NRP1: variants seen among roughly 807,000 people sequenced by gnomAD.
NRP1 encodes the protein neuropilin 1.
A neutral mutation model predicts 106.7 loss-of-function variants in NRP1; 35 were observed. The observed-to-expected ratio is 0.33, with a 90% CI of 0.25 to 0.43. The LOEUF (loss-of-function observed/expected upper bound fraction) is 0.43. Ranked by LOEUF, NRP1 falls within the 20% of genes least tolerant of loss-of-function variation. The pLI is 1.00. For synonymous variants in NRP1, 437 were observed against 417.9 expected, an observed-to-expected ratio of 1.05 and a Z score of -0.56; for missense variants, 1,024 against 1,170.4, an observed-to-expected ratio of 0.87 and a Z score of 1.83.
intron 15 of NRP1, 102 bp from the exon 16 acceptor site, chr10:33,182,850 C>CACACACACACAT: frequency 1.2e-6 from 1 of 805,302 alleles, no homozygotes. Context: ...CACACACACA[C>CACACACACACAT]ACACACACAC....
intron 2 of NRP1, among the ~76,000 whole-genome samples, chr10:33,301,887 T>C (rs1372155730): frequency 6.6e-6 from 1 of 152,212 alleles, no homozygotes; most frequent in Non-Finnish European, 1.5e-5. Context: ...CTTTACCCTT[T>C]ATAAACATTG....
rs1847000623 is a variant in NRP1, at chr10:33,315,943, G to T, written c.248+14765C>A. On this transcript the variant is annotated intron_variant, in intron 2 of 16. Coordinates refer to ENST00000374867, the MANE Select transcript of NRP1 (RefSeq NM_003873.7). ...AAGAACTAGAAAGTGACCATTTTTG[G>T]CTAGAATAGATAAGGGAGCCACAGG... 3.9e-5 allele frequency among the ~76,000 whole-genome samples: 6 copies of T among 152,312 alleles called. No homozygotes were observed. The South Asian group carries it at 1.2e-3, about 32-fold the overall frequency.
intron 11 of NRP1, 26 bp from the exon 12 acceptor site, chr10:33,197,735 A>G: frequency 6.9e-7 from 1 of 1,452,224 alleles, no homozygotes; most frequent in Non-Finnish European, 9.6e-7. Flanking sequence ...AGGAACATGC[A>G]AAAATAAGAA....
chr10:33,270,085 A>G (rs974786082), intron 3 of NRP1, among the ~76,000 whole-genome samples: 6 of 152,162 alleles, frequency 3.9e-5, no homozygotes, highest in Non-Finnish European at 8.8e-5. Context: ...GATGCCAAAA[A>G]GGTTGGAGAC....
In NRP1 at chr10:33,241,911, A is replaced by G. The variant is rs534801317; in HGVS notation, c.981+12117T>C. ...TTAATCTGTTTGAATTATTTTTGAT[A>G]CAAAGATTTTAATTCAGATGAATTT... On this transcript the variant is annotated intron_variant, in intron 6 of 16. Coordinates refer to ENST00000374867, the MANE Select transcript of NRP1 (RefSeq NM_003873.7). Among the ~76,000 whole-genome samples, 3 of 152,340 alleles carry G rather than the reference A, an allele frequency of 2.0e-5. No individual in the cohort carries two copies. The South Asian group carries it at 6.2e-4, about 32-fold the overall frequency.
intron 2 of NRP1, among the ~76,000 whole-genome samples, chr10:33,305,535 G>A (rs979499319): frequency 2.6e-5 from 4 of 151,930 alleles, no homozygotes; most frequent in East Asian, 1.9e-4. Flanking sequence ...TCGTTGTCTC[G>A]GGAATCCTGG....
intron 6 of NRP1, among the ~76,000 whole-genome samples, chr10:33,236,553 C>G (rs915045393): frequency 6.6e-6 from 1 of 152,150 alleles, no homozygotes; most frequent in Non-Finnish European, 1.5e-5. Flanking sequence ...GCAAGAGAAA[C>G]GTTTGGGTTC....
intron 11 of NRP1, among the ~76,000 whole-genome samples, chr10:33,199,380 T>TAA (rs1837067726): frequency 2.9e-5 from 2 of 69,332 alleles, no homozygotes; most frequent in Non-Finnish European, 5.7e-5. Flanking sequence ...TATATATATA[T>TAA]ATATATATAT....
intron 2 of NRP1, among the ~76,000 whole-genome samples, chr10:33,300,841 T>G (rs892587225): frequency 6.6e-6 from 1 of 152,230 alleles, no homozygotes; most frequent in African/African-American, 2.4e-5. Flanking sequence ...AATGTTCATC[T>G]TACATATGTT....
chr10:33,182,009 G>A (rs564883377), intron 16 of NRP1, among the ~76,000 whole-genome samples: 17 of 152,218 alleles, frequency 1.1e-4, no homozygotes, highest in African/African-American at 3.6e-4. Flanking sequence ...CAGGAAAATC[G>A]CTTGAACCTG....
At position 33,334,450 on chromosome 10, in the gene NRP1, G is replaced by C. The variant is rs918561739; in HGVS notation, c.-68C>G. On this transcript the variant is annotated 5_prime_UTR_variant, in exon 1 of 17. Transcript: ENST00000374867. ...ACGTGGGGGGAAATGCAGCAAAGAG[G>C]AGAATCTAAGCGATCCGAAGAGCCC... The C allele has an allele frequency of 7.2e-7, 1 of 1,390,248 alleles. No individual in the cohort carries two copies. The highest frequency in any genetic ancestry group is 1.4e-5 in the African/African-American group (1 of 70,182). The allele number at this position is 1,390,248 out of a possible 1,614,324, so 86.1% of individuals were successfully genotyped here. A position where few individuals can be genotyped will look rare whatever the true frequency, so the allele number is the denominator to read the frequency against.
intron 2 of NRP1, among the ~76,000 whole-genome samples, chr10:33,272,835 T>C (rs1262658062): frequency 6.6e-6 from 1 of 152,060 alleles, no homozygotes; most frequent in Non-Finnish European, 1.5e-5. Context: ...ATGGTCTGAA[T>C]ACTAAGTGGC....
chr10:33,319,212 TAGTC>T (rs2132861376), intron 2 of NRP1, among the ~76,000 whole-genome samples: 1 of 151,954 alleles, frequency 6.6e-6, no homozygotes, highest in South Asian at 2.1e-4. Flanking sequence ...TTCACTGTGT[TAGTC>T]AGGATGGTCT....
rs747937442 is a variant in NRP1, at chr10:33,186,426, C to A, written c.2125G>T (p.Val709Leu). 5 of 1,613,964 alleles carry A rather than the reference C, an allele frequency of 3.1e-6. No homozygotes were observed. The highest frequency in any genetic ancestry group is 3.4e-6 in the Non-Finnish European group (4 of 1,179,998). The change falls in exon 14 of 17, where the codon GTG (valine) becomes TTG (leucine). Residue 709 changes from valine to leucine, a missense_variant. By Grantham distance (32) the Val-to-Leu change is conservative (BLOSUM62 1). Coordinates refer to ENST00000374867, the MANE Select transcript of NRP1 (RefSeq NM_003873.7). Reference sequence around the variant, plus strand: ...TTCTGGGAATAAACCACAGGGCTCACCAGGCGAGCCACTTTGCCCTTCTGA... The same window carrying A: ...TTCTGGGAATAAACCACAGGGCTCAACAGGCGAGCCACTTTGCCCTTCTGA... The part of the protein sequence containing the change: ...ENQKGKVARL[V>L]SPVVYSQNSA...
At position 33,261,611 on chromosome 10, in the gene NRP1, T is replaced by C. The variant is rs75590100; in HGVS notation, c.658+2035A>G. ...ATGTTAACTCACCCATTTATTCCAATGGCAATATAAGGCTTCTCTAAACCT... is the reference window on the plus strand; with the variant it reads ...ATGTTAACTCACCCATTTATTCCAACGGCAATATAAGGCTTCTCTAAACCT... On this transcript the variant is annotated intron_variant, in intron 4 of 16. Transcript: ENST00000374867. Among the ~76,000 whole-genome samples, 826 of 152,318 alleles carry C rather than the reference T, an allele frequency of 5.4e-3. 5 individuals carry two copies. Among genetic ancestry groups the C allele is most frequent in the African/African-American group, 0.017 (690 of 41,578 alleles).
chr10:33,333,415 TA>T (rs1269931490), intron 1 of NRP1, among the ~76,000 whole-genome samples: 1 of 152,214 alleles, frequency 6.6e-6, no homozygotes, highest in Non-Finnish European at 1.5e-5. Flanking sequence ...GGTCTCTTAT[TA>T]AAACAATATA....
intron 3 of NRP1, among the ~76,000 whole-genome samples, chr10:33,269,729 C>T (rs1406356941): frequency 6.6e-6 from 1 of 152,130 alleles, no homozygotes; most frequent in Non-Finnish European, 1.5e-5. Flanking sequence ...AACTCCTCCT[C>T]CTGTCAGATC....
At chr10:33,296,480 G>A (rs958736138) in intron 2 of NRP1, among the ~76,000 whole-genome samples, 6 of 152,180 alleles carry the variant, frequency 3.9e-5, no homozygotes, top group African/African-American at 1.4e-4. Flanking sequence ...AGGACAAGAT[G>A]TTTTTGGACC....
intron 2 of NRP1, among the ~76,000 whole-genome samples, chr10:33,314,962 T>G (rs1309099736): frequency 6.6e-6 from 1 of 152,198 alleles, no homozygotes; most frequent in Non-Finnish European, 1.5e-5. Context: ...GGCTCTAAAT[T>G]ATTTGTGTTT....
Sources: allele counts gnomAD v4.1 joint callset (sites outside exome capture counted in the v4.1 genomes callset), GRCh38; gene constraint gnomAD v4.1.1; transcripts MANE v1.5; gene names NCBI Gene and HGNC (gene_info 2026-07-23, HGNC 2026-07-21).